Variants in FGD2 observed in about 807,000 individuals in gnomAD.
FGD2 encodes the protein FYVE, RhoGEF and PH domain containing 2.
A neutral mutation model predicts 75.9 loss-of-function variants in FGD2; 52 were observed. The observed-to-expected ratio is 0.69, with a 90% CI of 0.55 to 0.86. The LOEUF is 0.86. FGD2 is among the 40% of genes least tolerant of loss of function. The pLI is 0.00. For synonymous variants in FGD2, 347 were observed against 348.6 expected (o/e 1.00, Z 0.05); for missense variants, 790 against 872.0 (o/e 0.91, Z 1.18).
chr6:37,005,957 C>G, intron 1 of FGD2, 72 bp downstream of exon 1: 1 of 1,547,980 alleles, frequency 6.5e-7, no homozygotes, highest in Non-Finnish European at 8.8e-7. Context: ...TGGCAGCTCT[C>G]TCCCTGGGCC....
chr6:37,028,051 A>C lies in FGD2; in HGVS notation c.1856A>C (p.Tyr619Ser). Residue 619 changes from tyrosine (Y) to serine (S), a missense_variant, in exon 16 of 16, where the codon TAC becomes TCC. Tyr to Ser is a moderately radical substitution (Grantham distance 144). Transcript: ENST00000274963. ...CAGCTACAGCAGTCAGGCCAGCTCTACACCTTCAAGGCCGAGACGGAGGAG... is the reference window on the plus strand; with the variant it reads ...CAGCTACAGCAGTCAGGCCAGCTCTCCACCTTCAAGGCCGAGACGGAGGAG... ...VFQLQQSGQL[Y>S]TFKAETEELK... is the part of the protein sequence containing the mutation. 6.2e-7 allele frequency: 1 copy of C among 1,613,992 alleles called. No individual in the cohort carries two copies. The highest frequency in any genetic ancestry group is 8.5e-7 in the Non-Finnish European group (1 of 1,180,016).
chr6:37,006,166 C>T (rs914117823), intron 1 of FGD2, among the ~76,000 whole-genome samples: 6 of 152,200 alleles, frequency 3.9e-5, no homozygotes, highest in African/African-American at 1.4e-4. Context: ...GGACCCCACC[C>T]AGTGCCTGCC....
At position 37,014,097 on chromosome 6, in the gene FGD2, C is replaced by T; in HGVS notation, c.820C>T (p.Gln274Ter). Residue 274 changes from glutamine (Q) to a stop codon, truncating the protein, a stop_gained, in exon 6 of 16, where the codon CAG becomes TAG. Coordinates refer to ENST00000274963, the MANE Select transcript of FGD2 (RefSeq NM_173558.4). LOFTEE classifies it high-confidence loss of function. Reference protein sequence around the residue: ...PAQAPDQADAQKALDMIFSAA... With the variant: ...PAQAPDQADA ...CCAGGCCCCAGACCAGGCCGATGCC[C>T]AGAGTGAGGACACCCCCAGGGGTCC... The T allele has an allele frequency of 1.2e-6, 2 of 1,613,658 alleles. No homozygotes were observed. Among genetic ancestry groups the T allele is most frequent in the Non-Finnish European group, 1.7e-6 (2 of 1,179,764 alleles).
chr6:37,013,338 C>A, intron 4 of FGD2: 1 of 673,954 alleles, frequency 1.5e-6, no homozygotes, highest in Non-Finnish European at 2.1e-6. Context: ...AAGCACTGAG[C>A]AGTTACTGAA....
intron 3 of FGD2, chr6:37,011,255 T>A (rs1764991545): frequency 1.6e-6 from 1 of 608,220 alleles, no homozygotes; most frequent in Non-Finnish European, 2.9e-6. Context: ...CTGCCTGTGG[T>A]GCCCAGGCTG....
rs749052293 is a variant in FGD2, at chr6:37,028,201, C to T, written c.*38C>T. 6.7e-7 allele frequency: 1 copy of T among 1,484,766 alleles called. No individual in the cohort carries two copies. The highest frequency in any genetic ancestry group is 9.0e-7 in the Non-Finnish European group (1 of 1,112,942). 92.0% of individuals were successfully genotyped at this position (1,484,766 alleles called of 1,614,324 possible). On this transcript the variant is annotated 3_prime_UTR_variant, in exon 16 of 16. Transcript: ENST00000274963. ...CGCTCTCCTGCCCACCTCTCCCCAC[C>T]CTGAACCCAGCTCCTGCCACAGACT...
chr6:37,007,809 C>T (rs1051799743), intron 1 of FGD2, among the ~76,000 whole-genome samples: 3 of 152,180 alleles, frequency 2.0e-5, no homozygotes, highest in African/African-American at 7.2e-5. Context: ...GGCTGAGAAA[C>T]CAGGGACTGG....
intron 9 of FGD2, among the ~76,000 whole-genome samples, chr6:37,017,162 G>C (rs1336736592): frequency 6.6e-6 from 1 of 151,882 alleles, no homozygotes; most frequent in African/African-American, 2.4e-5. Context: ...GTACTTGAGA[G>C]CTTCCTCATC....
rs751125506 is a variant in FGD2, at chr6:37,014,629, G to A, written c.824-17G>A. ...CCTAGATTCTCAGGGAATAAACTCC[G>A]GCCCTGCCCCTTTCAGAAGCCCTGG... On this transcript the variant is annotated splice_polypyrimidine_tract_variant and intron_variant, in intron 6 of 15. Coordinates refer to ENST00000274963, the MANE Select transcript of FGD2 (RefSeq NM_173558.4). The A allele has an allele frequency of 4.2e-5, 68 of 1,613,140 alleles. No individual in the cohort carries two copies. The highest frequency in any genetic ancestry group is 4.7e-5 in the Non-Finnish European group (56 of 1,179,932).
intron 6 of FGD2, 143 bp from the exon 7 acceptor site, chr6:37,014,503 C>A: frequency 3.3e-6 from 3 of 901,690 alleles, no homozygotes; most frequent in South Asian, 1.7e-5. Context: ...TCAGACACCC[C>A]ATGGCTGGGC....
At chr6:37,021,741 C>G in intron 12 of FGD2, 137 bp downstream of exon 12, 1 of 775,812 alleles carries the variant, frequency 1.3e-6, no homozygotes. Context: ...CAGGGGAAGC[C>G]TTCCCAGCGC....
chr6:37,011,613 A>G (rs1765008334), intron 3 of FGD2, 93 bp from the exon 4 acceptor site: 1 of 1,536,504 alleles, frequency 6.5e-7, no homozygotes, highest in African/African-American at 1.4e-5. Flanking sequence ...AGGTGGAAGC[A>G]TGCAGTAGGC....
At chr6:37,025,715 C>T (rs949069357) in intron 13 of FGD2, 77 bp from the exon 14 acceptor site, 3 of 1,557,604 alleles carry the variant, frequency 1.9e-6, no homozygotes, top group Admixed American at 3.4e-5. Flanking sequence ...CTCATGCCCC[C>T]ACCTGCCCAC....
intron 5 of FGD2, 72 bp from the exon 6 acceptor site, chr6:37,013,890 G>C: frequency 6.3e-7 from 1 of 1,586,496 alleles, no homozygotes; most frequent in Non-Finnish European, 8.6e-7. Context: ...CTACTCGTCC[G>C]GCCCTCAGGA....
intron 9 of FGD2, among the ~76,000 whole-genome samples, chr6:37,019,597 A>G (rs942769266): frequency 6.6e-6 from 1 of 152,110 alleles, no homozygotes; most frequent in African/African-American, 2.4e-5. Context: ...CTCTTTGCAA[A>G]TCTCTCTCCA....
chr6:37,010,871 C>A, intron 2 of FGD2, 102 bp from the exon 3 acceptor site: 2 of 1,165,136 alleles, frequency 1.7e-6, no homozygotes, highest in Non-Finnish European at 2.6e-6. Context: ...GGGAGGCATG[C>A]TTCACTGCAG....
rs768226157 is a variant in FGD2 at position 37,022,301 on chromosome 6, G to A, written c.1389G>A (p.Met463Ile). 6.3e-7 allele frequency: 1 copy of A among 1,589,230 alleles called. No individual in the cohort carries two copies. Among genetic ancestry groups the A allele is most frequent in the East Asian group, 2.3e-5 (1 of 42,880 alleles). Residue 463 changes from methionine to isoleucine, a missense_variant, in exon 13 of 16, where the codon ATG becomes ATA. By Grantham distance (10) the Met-to-Ile change is conservative. Transcript: ENST00000274963. Reference protein sequence around the residue: ...PQWVRDKMVTMCMRCQEPFNA... With the variant: ...PQWVRDKMVTICMRCQEPFNA... ...GGGTCCGGGACAAGATGGTGACCAT[G>A]TGCATGCGCTGCCAGGAGCCCTTCA...
intron 15 of FGD2, 63 bp from the exon 16 acceptor site, chr6:37,027,885 A>G: frequency 6.4e-7 from 1 of 1,568,056 alleles, no homozygotes; most frequent in Non-Finnish European, 8.7e-7. Flanking sequence ...TGCCTTCACG[A>G]TGGCTATCTG....
chr6:37,008,546 C>T (rs1764850391), intron 1 of FGD2, among the ~76,000 whole-genome samples: 1 of 152,154 alleles, frequency 6.6e-6, no homozygotes, highest in South Asian at 2.1e-4. Context: ...CCCCTATATA[C>T]AGAAAGGATT....
Sources: gnomAD v4.1 joint callset for allele counts (sites outside exome capture counted in the v4.1 genomes callset) on GRCh38, gnomAD v4.1.1 for gene constraint, MANE v1.5 for transcripts, NCBI Gene and HGNC (gene_info 2026-07-23, HGNC 2026-07-21) for gene names.